The following CFAP299 variants were observed in gnomAD, a reference collection of about 807,000 sequenced individuals.
CFAP299 encodes the protein cilia and flagella associated protein 299.
Under a neutral mutation model 27.0 loss-of-function variants are expected in CFAP299, and 21 were observed. That is an observed-to-expected ratio of 0.78 (90% confidence interval 0.55 to 1.12). The LOEUF is 1.12. CFAP299 is among the 50% of genes most tolerant of loss of function. CFAP299 has a pLI of 0.00. For missense variants in CFAP299, 310 were observed against 276.6 expected, an observed-to-expected ratio of 1.12 and a Z score of -0.86; for synonymous variants, 104 against 98.1, an observed-to-expected ratio of 1.06 and a Z score of -0.36.
At chr4:80,708,809 T>C (rs919451746) in intron 3 of CFAP299, among the ~76,000 whole-genome samples, 8 of 152,038 alleles carry the variant, frequency 5.3e-5, no homozygotes, top group Non-Finnish European at 1.2e-4. Context: ...AAAAAAATGC[T>C]CTCAAATGCA....
intron 3 of CFAP299, among the ~76,000 whole-genome samples, chr4:80,812,507 G>T (rs1729207739): frequency 6.6e-6 from 1 of 152,066 alleles, no homozygotes; most frequent in Non-Finnish European, 1.5e-5. Context: ...ATTATGAAAA[G>T]CTGCTTTCAT....
At chr4:80,391,492 C>G (rs562050265) in intron 2 of CFAP299, among the ~76,000 whole-genome samples, 1 of 152,194 alleles carries the variant, frequency 6.6e-6, no homozygotes. Flanking sequence ...TTTTTCATAA[C>G]AGTCACACAC....
chr4:80,580,849 A>G (rs1021951074), intron 2 of CFAP299, among the ~76,000 whole-genome samples: 1 of 151,990 alleles, frequency 6.6e-6, no homozygotes, highest in Non-Finnish European at 1.5e-5. Context: ...GTTACTTTTA[A>G]GCAGAAGCTC....
chr4:80,787,612 C>T (rs188976209), intron 3 of CFAP299, among the ~76,000 whole-genome samples: 134 of 152,010 alleles, frequency 8.8e-4, no homozygotes, highest in African/African-American at 3.1e-3. Context: ...CAACAGGAAA[C>T]CCAAATTTTG....
intron 2 of CFAP299, among the ~76,000 whole-genome samples, chr4:80,535,358 A>C (rs544304638): frequency 1.4e-5 from 1 of 72,208 alleles, no homozygotes; most frequent in Non-Finnish European, 2.4e-5. Context: ...AGCCGGGCGT[A>C]GTGGCGGGCG....
At chr4:80,706,934 G>A (rs115416599) in intron 3 of CFAP299, among the ~76,000 whole-genome samples, 3,264 of 151,902 alleles carry the variant, frequency 0.021, 87 homozygotes, top group South Asian at 0.063. Context: ...TATAAGTACC[G>A]CCCCTCTCCC....
chr4:80,414,792 G>A (rs915267204), intron 2 of CFAP299, among the ~76,000 whole-genome samples: 6 of 152,190 alleles, frequency 3.9e-5, no homozygotes, highest in African/African-American at 1.4e-4. Context: ...CCACATGGAA[G>A]TACTCTTGAG....
chr4:80,960,867 TACATTC>T (rs1346043447), intron 5 of CFAP299, among the ~76,000 whole-genome samples: 1 of 151,834 alleles, frequency 6.6e-6, no homozygotes, highest in Non-Finnish European at 1.5e-5. Context: ...ACAAAATTAA[TACATTC>T]ATTAACAGGA....
At chr4:80,536,445 C>T (rs1403013534) in intron 2 of CFAP299, among the ~76,000 whole-genome samples, 1 of 152,146 alleles carries the variant, frequency 6.6e-6, no homozygotes, top group East Asian at 1.9e-4. Context: ...GGAGGCGTCA[C>T]ATTACCTGAC....
At chr4:80,485,397 T>C (rs1056448443) in intron 2 of CFAP299, among the ~76,000 whole-genome samples, 24 of 151,770 alleles carry the variant, frequency 1.6e-4, no homozygotes, top group African/African-American at 4.4e-4. Flanking sequence ...AGTGATTGGG[T>C]GGTTGGGAAG....
chr4:80,675,683 G>T (rs547974703), intron 3 of CFAP299, among the ~76,000 whole-genome samples: 10 of 152,348 alleles, frequency 6.6e-5, no homozygotes, highest in African/African-American at 1.9e-4. Flanking sequence ...CAGAGCTGTA[G>T]TGGGCTGCAC....
Position 80,756,394 on chromosome 4 carries a change from C to T in CFAP299, c.334-113599C>T, listed in dbSNP as rs551691736. ...CCACCATCAATGAACTTGAAACTGT[C>T]ATTCAACAAATGAAATCAGTTGACA... On this transcript the variant is annotated intron_variant, in intron 3 of 5. Transcript: ENST00000358105. 3.3e-5 allele frequency among the ~76,000 whole-genome samples: 5 copies of T among 152,132 alleles called. No individual in the cohort carries two copies. In the East Asian group the frequency reaches 9.7e-4, roughly 29 times the overall value.
chr4:80,452,742 G>A (rs1728960721), intron 2 of CFAP299, among the ~76,000 whole-genome samples: 1 of 152,084 alleles, frequency 6.6e-6, no homozygotes. Flanking sequence ...AGAAATTGTG[G>A]GGGTAGATTA....
At chr4:80,649,838 AT>A (rs1278782974) in intron 3 of CFAP299, among the ~76,000 whole-genome samples, 1 of 152,126 alleles carries the variant, frequency 6.6e-6, no homozygotes, top group Non-Finnish European at 1.5e-5. Context: ...AATTGTTGTC[AT>A]GTTTCAGTTT....
intron 5 of CFAP299, among the ~76,000 whole-genome samples, chr4:80,960,414 AT>A (rs1560493974): frequency 6.6e-6 from 1 of 151,890 alleles, no homozygotes; most frequent in Non-Finnish European, 1.5e-5. Flanking sequence ...AGCAGTAACT[AT>A]TTTTAAAGTT....
intron 3 of CFAP299, among the ~76,000 whole-genome samples, chr4:80,760,724 A>C (rs56165355): frequency 0.054 from 8,228 of 152,256 alleles, 763 homozygotes; most frequent in African/African-American, 0.19. Flanking sequence ...TTTTTCAAGA[A>C]CACAAATATA....
intron 2 of CFAP299, among the ~76,000 whole-genome samples, chr4:80,414,729 T>G (rs1229315558): frequency 6.6e-6 from 1 of 152,218 alleles, no homozygotes; most frequent in Non-Finnish European, 1.5e-5. Context: ...TATTGTATTC[T>G]AACAGACTCC....
At chr4:80,715,560 C>G (rs921002844) in intron 3 of CFAP299, among the ~76,000 whole-genome samples, 2 of 151,864 alleles carry the variant, frequency 1.3e-5, no homozygotes, top group African/African-American at 4.8e-5. Flanking sequence ...CAAAATGGGT[C>G]TACACTTTGT....
intron 3 of CFAP299, among the ~76,000 whole-genome samples, chr4:80,737,037 G>A (rs367886906): frequency 1.3e-4 from 19 of 151,978 alleles, no homozygotes; most frequent in African/African-American, 3.9e-4. Flanking sequence ...ATTGGAAATC[G>A]TCATTCTCAG....
Sources: gnomAD v4.1 joint callset for allele counts (sites outside exome capture counted in the v4.1 genomes callset) on GRCh38, gnomAD v4.1.1 for gene constraint, MANE v1.5 for transcripts, NCBI Gene and HGNC (gene_info 2026-07-23, HGNC 2026-07-21) for gene names.